Variants in TMEM135 observed in about 807,000 individuals in gnomAD.
The protein encoded by TMEM135 is peroxisomal membrane protein 52.
Under a neutral mutation model 60.3 loss-of-function variants are expected in TMEM135, and 30 were observed. The observed-to-expected ratio is 0.50, with a 90% CI of 0.37 to 0.68. The LOEUF (loss-of-function observed/expected upper bound fraction) is 0.68. Ranked by LOEUF, TMEM135 falls within the 30% of genes least tolerant of loss-of-function variation. The probability of loss-of-function intolerance (pLI) is 0.00; values close to 1 mark genes in which losing one functional copy is unlikely to be tolerated. For missense variants in TMEM135, 468 were observed against 548.8 expected (o/e 0.85, Z 1.47); for synonymous variants, 190 against 186.7 (o/e 1.02, Z -0.14).
chr11:87,316,264 A>ATG (rs766413164), intron 12 of TMEM135, among the ~76,000 whole-genome samples: 210 of 150,036 alleles, frequency 1.4e-3, no homozygotes, highest in Admixed American at 3.6e-3. Context: ...TTACCCAAAT[A>ATG]TATGTGTGTG....
chr11:87,130,168 T>G, intron 4 of TMEM135, among the ~76,000 whole-genome samples: 1 of 40,592 alleles, frequency 2.5e-5, no homozygotes, highest in Admixed American at 3.8e-4. Flanking sequence ...GTTCCAGCAT[T>G]TTTTTTTTTT....
chr11:87,192,005 T>TTTTTTC (rs1285194009), intron 5 of TMEM135, among the ~76,000 whole-genome samples: 55 of 146,112 alleles, frequency 3.8e-4, no homozygotes, highest in Non-Finnish European at 6.6e-4. Context: ...TTTTTTTTTT[T>TTTTTTC]CGAGATGGAG....
intron 6 of TMEM135, among the ~76,000 whole-genome samples, chr11:87,263,072 G>A (rs1441963454): frequency 6.6e-6 from 1 of 151,954 alleles, no homozygotes; most frequent in African/African-American, 2.4e-5. Flanking sequence ...ACATTAAGAA[G>A]TACAACTGAC....
chr11:87,129,048 C>T (rs556250665), intron 4 of TMEM135, among the ~76,000 whole-genome samples: 32 of 146,242 alleles, frequency 2.2e-4, no homozygotes, highest in African/African-American at 7.8e-4. Context: ...TAGCTTAACT[C>T]TAAATATGTG....
At chr11:87,180,521 T>G (rs1939488957) in intron 5 of TMEM135, among the ~76,000 whole-genome samples, 2 of 152,080 alleles carry the variant, frequency 1.3e-5, no homozygotes, top group Non-Finnish European at 2.9e-5. Context: ...GAGAAAAAGA[T>G]GACCTAAATC....
At chr11:87,124,853 C>T (rs11234978) in intron 4 of TMEM135, among the ~76,000 whole-genome samples, 19,916 of 152,088 alleles carry the variant, frequency 0.13, 1,395 homozygotes, top group Middle Eastern at 0.15. Context: ...TCTCTCATTA[C>T]ACTGATAAGC....
At chr11:87,094,115 C>T (rs1446316050) in intron 4 of TMEM135, among the ~76,000 whole-genome samples, 1 of 152,038 alleles carries the variant, frequency 6.6e-6, no homozygotes, top group Non-Finnish European at 1.5e-5. Flanking sequence ...CCATCGTGAT[C>T]TTTCATTTAT....
At chr11:87,279,526 AT>A (rs754092931) in intron 6 of TMEM135, among the ~76,000 whole-genome samples, 1 of 152,160 alleles carries the variant, frequency 6.6e-6, no homozygotes, top group Non-Finnish European at 1.5e-5. Flanking sequence ...TATTATTTGC[AT>A]TTTACAGGTG....
At chr11:87,220,881 C>T (rs971510677) in intron 5 of TMEM135, among the ~76,000 whole-genome samples, 6 of 151,992 alleles carry the variant, frequency 3.9e-5, no homozygotes, top group African/African-American at 1.2e-4. Flanking sequence ...CAAGGTAGTT[C>T]GTTGGAATAA....
chr11:87,223,990 A>G (rs1384520924), intron 5 of TMEM135, among the ~76,000 whole-genome samples: 1 of 152,224 alleles, frequency 6.6e-6, no homozygotes, highest in Non-Finnish European at 1.5e-5. Flanking sequence ...AGATATGAGC[A>G]ATACCATGCC....
At chr11:87,122,463 A>AT (rs369588006) in intron 4 of TMEM135, among the ~76,000 whole-genome samples, 23 of 74,738 alleles carry the variant, frequency 3.1e-4, no homozygotes, top group African/African-American at 1.0e-3. Flanking sequence ...TTATTTATTT[A>AT]TTATTTATTT....
chr11:87,098,931 G>A (rs1326375057), intron 4 of TMEM135, among the ~76,000 whole-genome samples: 2 of 152,076 alleles, frequency 1.3e-5, no homozygotes, highest in East Asian at 1.9e-4. Flanking sequence ...CTCGTGATCC[G>A]CCCGCCTCGG....
intron 7 of TMEM135, among the ~76,000 whole-genome samples, chr11:87,296,505 G>A (rs1942350486): frequency 6.6e-6 from 1 of 152,094 alleles, no homozygotes; most frequent in East Asian, 1.9e-4. Context: ...AATGTTGCCT[G>A]TTTTGTAATC....
chr11:87,190,857 A>G (rs892440960), intron 5 of TMEM135, among the ~76,000 whole-genome samples: 8 of 152,182 alleles, frequency 5.3e-5, no homozygotes, highest in African/African-American at 1.7e-4. Flanking sequence ...TTCACAGACA[A>G]TATACTATTT....
At chr11:87,160,157 A>G (rs1000833601) in intron 5 of TMEM135, among the ~76,000 whole-genome samples, 1 of 152,224 alleles carries the variant, frequency 6.6e-6, no homozygotes, top group African/African-American at 2.4e-5. Flanking sequence ...ATCCAGATAC[A>G]TGATGACAAT....
chr11:87,123,159 AG>A (rs1565450893), intron 4 of TMEM135, among the ~76,000 whole-genome samples: 1 of 152,220 alleles, frequency 6.6e-6, no homozygotes, highest in Admixed American at 6.5e-5. Flanking sequence ...TTAGTCTTCT[AG>A]GGCTGCTGTA....
chr11:87,062,777 A>C (rs866776916), intron 1 of TMEM135, among the ~76,000 whole-genome samples: 6 of 152,146 alleles, frequency 3.9e-5, no homozygotes, highest in Admixed American at 1.3e-4. Flanking sequence ...ATTTTTAAAA[A>C]AATTACATAA....
At chr11:87,093,471 A>AC (rs1481274922) in intron 4 of TMEM135, among the ~76,000 whole-genome samples, 4 of 152,008 alleles carry the variant, frequency 2.6e-5, no homozygotes, top group African/African-American at 9.7e-5. Flanking sequence ...TTGGCCTCCC[A>AC]AAGTGCTGTG....
rs575585482 is a variant in TMEM135, at chr11:87,145,760, A to G, written c.397-11581A>G. 6.0e-5 allele frequency among the ~76,000 whole-genome samples: 9 copies of G among 149,212 alleles called. No individual in the cohort carries two copies. The South Asian group carries it at 1.9e-3, about 32-fold the overall frequency. On this transcript the variant is annotated intron_variant, in intron 4 of 14. Coordinates refer to ENST00000305494, the MANE Select transcript of TMEM135 (RefSeq NM_022918.4). ...AAATGTCTATTCAGGTCACTTATCC[A>G]TTTTTTTCAATTGAATTTTTTGTTT...
Sources: allele counts gnomAD v4.1 joint callset (sites outside exome capture counted in the v4.1 genomes callset), GRCh38; gene constraint gnomAD v4.1.1; transcripts MANE v1.5; gene names NCBI Gene and HGNC (gene_info 2026-07-23, HGNC 2026-07-21).